PLXNA4: variants seen among roughly 807,000 people sequenced by gnomAD.
PLXNA4 encodes the protein plexin A4, also known as plexin-A4.
PLXNA4 carries 44 observed loss-of-function variants against 191.8 expected under a neutral mutation model. The observed-to-expected ratio is 0.23, with a 90% confidence interval of 0.18 to 0.29. The LOEUF is 0.29. Among genes scored for constraint, PLXNA4 ranks in the 10% least tolerant of loss-of-function variants. The pLI, the probability that PLXNA4 is intolerant of heterozygous loss-of-function variation, is 1.00. For missense variants in PLXNA4, 1,800 were observed against 2,488.8 expected (o/e 0.72, Z 5.89); for synonymous variants, 1,082 against 1,009.5 (o/e 1.07, Z -1.36).
intron 20 of PLXNA4, among the ~76,000 whole-genome samples, chr7:132,178,835 TACACATATATACACACAC>T (rs1796575653): frequency 2.4e-5 from 2 of 83,384 alleles, no homozygotes; most frequent in Admixed American, 1.3e-4. Flanking sequence ...CACATACACA[TACACATATATACACACAC>T]ACACACACAC....
In PLXNA4 at chr7:132,483,624, T is replaced by C. The variant is rs78524861; in HGVS notation, c.1371+5668A>G. Among the ~76,000 whole-genome samples, 1,399 of 152,366 alleles carry C rather than the reference T, an allele frequency of 9.2e-3. 24 individuals are homozygous for C. The highest frequency in any genetic ancestry group is 0.032 in the African/African-American group (1,311 of 41,574). On this transcript the variant is annotated intron_variant, in intron 3 of 31. Coordinates refer to ENST00000321063, the MANE Select transcript of PLXNA4 (RefSeq NM_020911.2). ...TTTGGGGTGTTTGTGCAGCACTTTC[T>C]TCAATTTTAATGTGTTTGCATTTTA...
At chr7:132,545,750 G>C (rs965279665) in intron 1 of PLXNA4, among the ~76,000 whole-genome samples, 3 of 152,230 alleles carry the variant, frequency 2.0e-5, no homozygotes, top group African/African-American at 7.2e-5. Flanking sequence ...GTGTTAAGAA[G>C]TGTAATAGGG....
intron 22 of PLXNA4, among the ~76,000 whole-genome samples, chr7:132,167,539 T>A (rs1479414802): frequency 6.6e-6 from 1 of 152,144 alleles, no homozygotes; most frequent in Non-Finnish European, 1.5e-5. Flanking sequence ...TATTTATTTT[T>A]TAATTTTTTT....
chr7:132,266,343 C>G (rs1799857970), intron 4 of PLXNA4: 1 of 152,262 alleles, frequency 6.6e-6, no homozygotes, highest in Middle Eastern at 3.4e-3. Flanking sequence ...TTCCTGGTGT[C>G]TTTTGATTAA....
At chr7:132,605,784 A>G (rs1171785445) in intron 2 of PLXNA4, among the ~76,000 whole-genome samples, 1 of 152,188 alleles carries the variant, frequency 6.6e-6, no homozygotes, top group Non-Finnish European at 1.5e-5. Context: ...CAATATGGTT[A>G]GTGTTCTTAT....
rs75696701 is a variant in PLXNA4 at position 132,625,625 on chromosome 7, G to A, written c.-87+20303C>T. ...GAGATCCCCTGGCTTTCATCAATCC[G>A]TTCATCCTCATGCATTTGGCACATG... On this transcript the variant is annotated intron_variant, in intron 2 of 4. Coordinates refer to the PLXNA4 transcript ENST00000378539. Among the ~76,000 whole-genome samples the A allele has an allele frequency of 8.9e-3, 1,355 of 152,250 alleles. 12 individuals carry two copies. The highest frequency in any genetic ancestry group is 0.014 in the Middle Eastern group (4 of 294).
intron 1 of PLXNA4, among the ~76,000 whole-genome samples, chr7:132,554,641 G>A (rs1303622781): frequency 1.3e-5 from 2 of 152,206 alleles, no homozygotes; most frequent in Non-Finnish European, 2.9e-5. Flanking sequence ...GGTGCCTCAG[G>A]GCAGAGGGTT....
intron 2 of PLXNA4, among the ~76,000 whole-genome samples, chr7:132,598,525 T>G (rs972723810): frequency 6.6e-5 from 10 of 150,500 alleles, no homozygotes; most frequent in Non-Finnish European, 1.2e-4. Context: ...TAATTTGCAT[T>G]TTAAAGAGAT....
intron 2 of PLXNA4, among the ~76,000 whole-genome samples, chr7:132,617,194 G>C (rs1000293): frequency 1.3e-5 from 2 of 151,960 alleles, no homozygotes; most frequent in African/African-American, 4.8e-5. Context: ...TGTTCTCTGA[G>C]GCTTGCTCCC....
chr7:132,355,082 T>C (rs1803644274), intron 3 of PLXNA4, among the ~76,000 whole-genome samples: 2 of 152,178 alleles, frequency 1.3e-5, no homozygotes. Flanking sequence ...TCTTCCTGCC[T>C]CTAGTGGTCA....
chr7:132,517,932 C>T (rs1799003965), intron 1 of PLXNA4, among the ~76,000 whole-genome samples: 1 of 152,174 alleles, frequency 6.6e-6, no homozygotes, highest in African/African-American at 2.4e-5. Context: ...ATTTCTACTC[C>T]AATTTGTAAT....
intron 3 of PLXNA4, among the ~76,000 whole-genome samples, chr7:132,317,115 G>A (rs1335142336): frequency 6.6e-6 from 1 of 152,186 alleles, no homozygotes; most frequent in East Asian, 1.9e-4. Flanking sequence ...TAGTTGGGTT[G>A]TGCTGGATTA....
chr7:132,614,699 C>T (rs117052424), intron 2 of PLXNA4, among the ~76,000 whole-genome samples: 431 of 152,316 alleles, frequency 2.8e-3, no homozygotes, highest in Non-Finnish European at 5.6e-3. Context: ...GCACCTGGCC[C>T]AATTTGACTA....
chr7:132,335,550 G>A (rs928446924), intron 3 of PLXNA4, among the ~76,000 whole-genome samples: 39 of 152,012 alleles, frequency 2.6e-4, no homozygotes, highest in East Asian at 1.9e-4. Context: ...CCCCACCCCC[G>A]GCACCGGCCT....
At chr7:132,448,070 C>T (rs1251092890) in intron 3 of PLXNA4, among the ~76,000 whole-genome samples, 1 of 152,150 alleles carries the variant, frequency 6.6e-6, no homozygotes, top group Non-Finnish European at 1.5e-5. Context: ...TCTCTCACAC[C>T]TTCTAGCTTC....
At chr7:132,175,728 C>A (rs6943549) in intron 20 of PLXNA4, among the ~76,000 whole-genome samples, 18,615 of 152,226 alleles carry the variant, frequency 0.12, 1,282 homozygotes, top group African/African-American at 0.19. Context: ...CAGGGCCACC[C>A]TCTGCCACAG....
intron 3 of PLXNA4, among the ~76,000 whole-genome samples, chr7:132,409,912 G>A (rs142408017): frequency 2.4e-3 from 358 of 152,338 alleles, no homozygotes; most frequent in African/African-American, 7.8e-3. Context: ...GCCTGGCCCG[G>A]CAGGGGGCCC....
At chr7:132,224,381 C>A (rs1398869904) in intron 8 of PLXNA4, among the ~76,000 whole-genome samples, 2 of 149,486 alleles carry the variant, frequency 1.3e-5, no homozygotes, top group African/African-American at 2.4e-5. Context: ...CAAGGAAGAG[C>A]TGGTCACCCT....
intron 5 of PLXNA4, among the ~76,000 whole-genome samples, chr7:132,232,247 G>T (rs182379201): frequency 3.3e-5 from 5 of 152,266 alleles, no homozygotes; most frequent in African/African-American, 1.2e-4. Context: ...TACTCCTAAA[G>T]CATGTCCCTC....
Sources: gnomAD v4.1 joint callset for allele counts (sites outside exome capture counted in the v4.1 genomes callset) on GRCh38, gnomAD v4.1.1 for gene constraint, MANE v1.5 for transcripts, NCBI Gene and HGNC (gene_info 2026-07-23, HGNC 2026-07-21) for gene names.